Variants in ACBD5 observed in about 807,000 individuals in gnomAD.
ACBD5 encodes acyl-CoA binding domain containing 5.
ACBD5 carries 40 observed loss-of-function variants against 71.8 expected under a neutral mutation model. The observed-to-expected ratio is 0.56, with a 90% CI of 0.43 to 0.72. ACBD5 has a LOEUF of 0.72. Among genes scored for constraint, ACBD5 ranks in the 30% least tolerant of loss-of-function variants. The pLI, the probability that ACBD5 is intolerant of heterozygous loss-of-function variation, is 0.00. For synonymous variants in ACBD5, 229 were observed against 218.6 expected, an observed-to-expected ratio of 1.05 and a Z score of -0.42; for missense variants, 559 against 644.5, an observed-to-expected ratio of 0.87 and a Z score of 1.44.
intron 13 of ACBD5, among the ~76,000 whole-genome samples, chr10:27,188,312 TATC>T (rs2058897766): frequency 6.6e-6 from 1 of 152,250 alleles, no homozygotes; most frequent in African/African-American, 2.4e-5. Flanking sequence ...AATTATCTAT[TATC>T]CTTTTATGGT....
chr10:27,233,904 C>T lies in ACBD5; in HGVS notation c.302+1188G>A, dbSNP rs189719965. 3.3e-5 allele frequency among the ~76,000 whole-genome samples: 5 copies of T among 151,782 alleles called. No homozygotes were observed. In the South Asian group the frequency reaches 6.2e-4, roughly 19 times the overall value. On this transcript the variant is annotated intron_variant, in intron 3 of 12. Coordinates refer to ENST00000396271, the MANE Select transcript of ACBD5 (RefSeq NM_145698.5). ...TACTAAAAATACAAAATTAGCTAGG[C>T]GTGGTGGCGCATGCCTGTAATCCTA...
intron 12 of ACBD5, among the ~76,000 whole-genome samples, chr10:27,198,984 C>G (rs2059638335): frequency 6.6e-6 from 1 of 151,826 alleles, no homozygotes; most frequent in South Asian, 2.1e-4. Flanking sequence ...TGGCACGCAC[C>G]TATAGTCCCA....
intron 13 of ACBD5, among the ~76,000 whole-genome samples, chr10:27,188,657 T>C (rs2058919451): frequency 6.6e-6 from 1 of 152,198 alleles, no homozygotes; most frequent in African/African-American, 2.4e-5. Flanking sequence ...ACCTAGCATG[T>C]GAAGCTATAG....
chr10:27,224,906 C>T (rs1355848578), intron 4 of ACBD5, among the ~76,000 whole-genome samples: 1 of 152,052 alleles, frequency 6.6e-6, no homozygotes, highest in Non-Finnish European at 1.5e-5. Context: ...TGGCATGCAC[C>T]TGTGATCCCA....
chr10:27,210,865 C>A lies in ACBD5; in HGVS notation c.1153G>T (p.Glu385Ter). 6.2e-7 allele frequency: 1 copy of A among 1,614,216 alleles called. No homozygotes were observed. The highest frequency in any genetic ancestry group is 8.5e-7 in the Non-Finnish European group (1 of 1,180,044). ...TCGTCAGTTTCTCCGCCTCGCTTCT[C>A]CCGGTGTGGTGCTCCGCTGTTATTC... The part of the protein sequence containing the change: ...GRNNSGAPHR[E>*]KRGGETDEFS... Residue 385 changes from glutamate (E) to a stop codon, truncating the protein, a stop_gained, in exon 9 of 13, where the codon GAG becomes TAG. Transcript: ENST00000396271. LOFTEE classifies it high-confidence loss of function.
At chr10:27,231,857 A>G (rs768286832) in intron 3 of ACBD5, 37 bp from the exon 4 acceptor site, 2 of 1,579,466 alleles carry the variant, frequency 1.3e-6, no homozygotes, top group East Asian at 2.2e-5. Flanking sequence ...ACAAAGAGAC[A>G]TCTGATTTTA....
chr10:27,233,934 C>T (rs1455892795), intron 3 of ACBD5, among the ~76,000 whole-genome samples: 1 of 152,154 alleles, frequency 6.6e-6, no homozygotes, highest in African/African-American at 2.4e-5. Flanking sequence ...ATCCTAGCTA[C>T]TCAGGAGGCT....
intron 12 of ACBD5, among the ~76,000 whole-genome samples, chr10:27,200,915 G>A (rs58326983): frequency 0.069 from 10,528 of 152,170 alleles, 686 homozygotes; most frequent in African/African-American, 0.17. Flanking sequence ...GCTCAGTCCT[G>A]TAATCCCAGT....
chr10:27,196,249 G>A lies in ACBD5; in HGVS notation c.*1181C>T, dbSNP rs910731986. 4.4e-6 allele frequency: 2 copies of A among 453,898 alleles called. No homozygotes were observed. Among genetic ancestry groups the A allele is most frequent in the African/African-American group, 4.0e-5 (2 of 49,990 alleles). The allele number at this position is 453,898 out of a possible 1,614,324, so 28.1% of individuals were successfully genotyped here. A position where few individuals can be genotyped will look rare whatever the true frequency, so the allele number is the denominator to read the frequency against. On this transcript the variant is annotated 3_prime_UTR_variant, in exon 13 of 13. Transcript: ENST00000396271. ...AGACTGCATCAAAGAAATCTTCAAA[G>A]CACAAGGTACATCTAAGTGAGCAGG...
At chr10:27,212,655 T>C (rs577253354) in intron 8 of ACBD5, among the ~76,000 whole-genome samples, 4 of 152,008 alleles carry the variant, frequency 2.6e-5, no homozygotes, top group Middle Eastern at 3.4e-3. Flanking sequence ...CTTGGCTCAT[T>C]GCAACCACTG....
intron 8 of ACBD5, 52 bp downstream of exon 8, chr10:27,215,483 A>T: frequency 7.8e-7 from 1 of 1,280,196 alleles, no homozygotes; most frequent in Non-Finnish European, 1.1e-6. Context: ...TTACGCATTG[A>T]ATTCTAATAC....
chr10:27,196,703 T>C lies in ACBD5; in HGVS notation c.*727A>G. The C allele has an allele frequency of 2.2e-6, 1 of 454,530 alleles. No homozygotes were observed. The highest frequency in any genetic ancestry group is 4.4e-6 in the Non-Finnish European group (1 of 226,798). The allele number at this position is 454,530 out of a possible 1,614,324, so 28.2% of individuals were successfully genotyped here. A position where few individuals can be genotyped will look rare whatever the true frequency, so the allele number is the denominator to read the frequency against. ...TATGATTGAATAAAAACCTGATTAA[T>C]CATCTACAGGCTCAGAATACACTTT... On this transcript the variant is annotated 3_prime_UTR_variant, in exon 13 of 13. Coordinates refer to ENST00000396271, the MANE Select transcript of ACBD5 (RefSeq NM_145698.5).
intron 4 of ACBD5, among the ~76,000 whole-genome samples, chr10:27,225,946 G>A (rs2483491): frequency 0.95 from 145,307 of 152,188 alleles, 69,428 homozygotes; most frequent in East Asian, 1. Flanking sequence ...TACTAAATTC[G>A]GCATTTGGGT....
intron 11 of ACBD5, 67 bp from the exon 12 acceptor site, chr10:27,204,616 C>G (rs1344359230): frequency 9.0e-7 from 1 of 1,115,944 alleles, no homozygotes; most frequent in Non-Finnish European, 1.4e-6. Context: ...AAAAACATAC[C>G]TAATTCATAA....
intron 13 of ACBD5, among the ~76,000 whole-genome samples, chr10:27,183,602 T>C (rs1322434412): frequency 6.6e-6 from 1 of 152,096 alleles, no homozygotes; most frequent in East Asian, 1.9e-4. Context: ...GAGAAAAGCA[T>C]TACGTCCCAA....
downstream of ACBD5, among the ~76,000 whole-genome samples, chr10:27,190,964 T>A (rs190514030): frequency 1.2e-4 from 18 of 152,260 alleles, no homozygotes; most frequent in Non-Finnish European, 1.9e-4. Context: ...TGGGTAGACA[T>A]ACTAAGTTTG....
At chr10:27,228,063 GATTATCCCA>G (rs1554855264) in intron 4 of ACBD5, among the ~76,000 whole-genome samples, 2 of 151,912 alleles carry the variant, frequency 1.3e-5, no homozygotes, top group Non-Finnish European at 2.9e-5. Flanking sequence ...CTATTACAGT[GATTATCCCA>G]ATCTCTTAGA....
intron 2 of ACBD5, among the ~76,000 whole-genome samples, chr10:27,236,014 A>C (rs896831524): frequency 4.0e-5 from 6 of 151,880 alleles, no homozygotes; most frequent in African/African-American, 1.5e-4. Flanking sequence ...TCAGGAGCCT[A>C]AGCAGAGAGG....
chr10:27,183,917 G>A (rs559139324), intron 13 of ACBD5, among the ~76,000 whole-genome samples: 1 of 152,236 alleles, frequency 6.6e-6, no homozygotes, highest in Admixed American at 6.5e-5. Context: ...TTGCTGTGTT[G>A]CCCAGGCTGG....
Sources: allele counts gnomAD v4.1 joint callset (sites outside exome capture counted in the v4.1 genomes callset), GRCh38; gene constraint gnomAD v4.1.1; transcripts MANE v1.5; gene names NCBI Gene and HGNC (gene_info 2026-07-23, HGNC 2026-07-21).